Variants in CLTCL1 observed in about 807,000 individuals in gnomAD.
CLTCL1 encodes clathrin heavy chain like 1.
A neutral mutation model predicts 190.0 loss-of-function variants in CLTCL1; 159 were observed. The observed-to-expected ratio is 0.84, with a 90% CI of 0.74 to 0.95. The LOEUF is 0.95. Ranked by LOEUF, CLTCL1 falls within the 40% of genes least tolerant of loss-of-function variation. The pLI is 0.00. For missense variants in CLTCL1, 1,878 were observed against 2,033.4 expected, an observed-to-expected ratio of 0.92 and a Z score of 1.47; for synonymous variants, 752 against 769.6, an observed-to-expected ratio of 0.98 and a Z score of 0.38.
Position 19,184,501 on chromosome 22 carries a change from T to C in CLTCL1, c.4606-890A>G, listed in dbSNP as rs1555927389. 8.8e-6 allele frequency: 4 copies of C among 455,942 alleles called. No individual in the cohort carries two copies. In the East Asian group the frequency reaches 2.1e-4, roughly 24 times the overall value. The allele number at this position is 455,942 out of a possible 1,614,324, so 28.2% of individuals were successfully genotyped here. On this transcript the variant is annotated intron_variant, in intron 29 of 32. Transcript: ENST00000427926. The stretch of plus-strand genomic sequence containing the variant: ...AAAGAAGTCTCCCCCGCTGGCATGC[T>C]GCTCATCGATCGCTGCCTCCTGACC...
At chr22:19,200,544 A>G (rs1269014844) in intron 23 of CLTCL1, among the ~76,000 whole-genome samples, 1 of 152,236 alleles carries the variant, frequency 6.6e-6, no homozygotes, top group Admixed American at 6.5e-5. Flanking sequence ...TAATGCATAC[A>G]TTAACAAAGG....
At chr22:19,190,098 G>A (rs1487915389) in intron 27 of CLTCL1, among the ~76,000 whole-genome samples, 7 of 152,102 alleles carry the variant, frequency 4.6e-5, no homozygotes, top group Non-Finnish European at 7.4e-5. Flanking sequence ...CTGTCACCAC[G>A]TCTGGCTAAT....
Position 19,242,947 on chromosome 22 carries a change from A to G in CLTCL1, c.520-11T>C, listed in dbSNP as rs782227101. ...AACCACACGGTTTTGCTAAGAAAAGATATTATGCAATGAAAGGGAGAGAAA... is the reference window on the plus strand; with the variant it reads ...AACCACACGGTTTTGCTAAGAAAAGGTATTATGCAATGAAAGGGAGAGAAA... On this transcript the variant is annotated splice_polypyrimidine_tract_variant and intron_variant, in intron 3 of 32. Coordinates refer to ENST00000427926, the MANE Select transcript of CLTCL1 (RefSeq NM_007098.4). 6.2e-7 allele frequency: 1 copy of G among 1,608,322 alleles called. No homozygotes were observed. The highest frequency in any genetic ancestry group is 1.1e-5 in the South Asian group (1 of 90,762).
chr22:19,225,631 C>G lies in CLTCL1; in HGVS notation c.1950G>C (p.Trp650Cys), dbSNP rs782262577. 6.4e-7 allele frequency: 1 copy of G among 1,568,180 alleles called. No individual in the cohort carries two copies. Among genetic ancestry groups the G allele is most frequent in the Admixed American group, 1.9e-5 (1 of 53,028 alleles). Residue 650 changes from tryptophan to cysteine, a missense_variant and splice_region_variant, in exon 13 of 33, where the codon TGG (tryptophan) becomes TGC (cysteine). Coordinates refer to ENST00000427926, the MANE Select transcript of CLTCL1 (RefSeq NM_007098.4). ...ATAAGGAGCCAAAGAAATTGACAAG[C>G]CACTGGGAACAAGGAAGAGTCTGTC... ...VVHTHLLNPE[W>C]LVNFFGSLSV...
chr22:19,282,319 A>T (rs58716397), intron 1 of CLTCL1, among the ~76,000 whole-genome samples: 1,529 of 142,094 alleles, frequency 0.011, 32 homozygotes, highest in East Asian at 0.067. Context: ...CAGAGCCAAG[A>T]CTCCGTCTCA....
intron 3 of CLTCL1, among the ~76,000 whole-genome samples, chr22:19,252,854 A>C (rs111412593): frequency 1.3e-4 from 20 of 152,204 alleles, no homozygotes; most frequent in African/African-American, 4.8e-4. Context: ...CTCTACTAAA[A>C]ATACAAAAAA....
chr22:19,232,557 T>C lies in CLTCL1; in HGVS notation c.1563A>G (p.Val521=). Residue 521 remains valine, a synonymous_variant, in exon 10 of 33, where the codon GTA becomes GTG. Coordinates refer to ENST00000427926, the MANE Select transcript of CLTCL1 (RefSeq NM_007098.4). ...GGCCCTGTTCCGGACTGATCTTCAT[T>C]ACACCCCTCAGCAGAAAGATCCAGT... ...TPDWIFLLRG[V]MKISPEQGLQ... The C allele has an allele frequency of 4.3e-6, 7 of 1,613,882 alleles. No homozygotes were observed. The highest frequency in any genetic ancestry group is 5.9e-6 in the Non-Finnish European group (7 of 1,179,850).
At chr22:19,210,066 C>A (rs1555945558) in intron 20 of CLTCL1, among the ~76,000 whole-genome samples, 4 of 151,956 alleles carry the variant, frequency 2.6e-5, no homozygotes. Context: ...GGGTCAGGTA[C>A]CCAAGTCCAA....
intron 1 of CLTCL1, among the ~76,000 whole-genome samples, chr22:19,287,557 C>G: frequency 6.6e-6 from 1 of 152,142 alleles, no homozygotes; most frequent in Admixed American, 6.5e-5. Flanking sequence ...TAAGCAGATG[C>G]TCATCCTTGG....
intron 6 of CLTCL1, 52 bp downstream of exon 6, chr22:19,235,644 C>A: frequency 1.3e-6 from 2 of 1,550,774 alleles, no homozygotes; most frequent in Non-Finnish European, 1.8e-6. Flanking sequence ...AGTTTAAACG[C>A]CAGTCCCTAA....
At chr22:19,207,288 A>T (rs2146367459) in intron 22 of CLTCL1, among the ~76,000 whole-genome samples, 1 of 152,316 alleles carries the variant, frequency 6.6e-6, no homozygotes, top group South Asian at 2.1e-4. Context: ...AAGTGCTGGG[A>T]TTACAGGCAT....
chr22:19,256,843 T>C (rs1212563238), intron 2 of CLTCL1, among the ~76,000 whole-genome samples: 1 of 152,042 alleles, frequency 6.6e-6, no homozygotes, highest in Non-Finnish European at 1.5e-5. Flanking sequence ...GATGCTATAA[T>C]GAATATGGAA....
chr22:19,260,926 A>T (rs1340508655), intron 2 of CLTCL1, among the ~76,000 whole-genome samples: 2 of 150,700 alleles, frequency 1.3e-5, no homozygotes, highest in Non-Finnish European at 3.0e-5. Context: ...AGATCTACTG[A>T]TCAGAAAAAA....
intron 3 of CLTCL1, among the ~76,000 whole-genome samples, chr22:19,246,177 A>G (rs1285771985): frequency 6.6e-6 from 1 of 151,948 alleles, no homozygotes; most frequent in Non-Finnish European, 1.5e-5. Context: ...CTCCTGCCTC[A>G]GCCTCCCAAG....
At chr22:19,195,567 A>G (rs2084670637) in intron 26 of CLTCL1, among the ~76,000 whole-genome samples, 1 of 152,202 alleles carries the variant, frequency 6.6e-6, no homozygotes, top group Non-Finnish European at 1.5e-5. Context: ...ACCATGGCAC[A>G]AAGCGCAGAT....
At chr22:19,272,560 T>C (rs2087356228) in intron 2 of CLTCL1, among the ~76,000 whole-genome samples, 1 of 152,178 alleles carries the variant, frequency 6.6e-6, no homozygotes, top group South Asian at 2.1e-4. Flanking sequence ...AACTTCTGCC[T>C]CCTGGGTTCA....
intron 2 of CLTCL1, among the ~76,000 whole-genome samples, chr22:19,260,426 C>T (rs2086902437): frequency 6.7e-6 from 1 of 148,536 alleles, no homozygotes; most frequent in Non-Finnish European, 1.5e-5. Flanking sequence ...CAGCTGGTAA[C>T]TTTAAATGGA....
intron 2 of CLTCL1, among the ~76,000 whole-genome samples, chr22:19,266,335 G>A (rs2146214939): frequency 6.6e-6 from 1 of 152,216 alleles, no homozygotes; most frequent in East Asian, 1.9e-4. Context: ...TAGATAACCT[G>A]GATACATTCC....
At chr22:19,282,908 A>T (rs1193693362) in intron 1 of CLTCL1, among the ~76,000 whole-genome samples, 4 of 142,622 alleles carry the variant, frequency 2.8e-5, no homozygotes, top group Admixed American at 1.5e-4. Flanking sequence ...TTACTCTGTC[A>T]CCCAGGCTGG....
Sources: allele counts gnomAD v4.1 joint callset (sites outside exome capture counted in the v4.1 genomes callset), GRCh38; gene constraint gnomAD v4.1.1; transcripts MANE v1.5; gene names NCBI Gene and HGNC (gene_info 2026-07-23, HGNC 2026-07-21).